GARIN2: variants seen among roughly 807,000 people sequenced by gnomAD.
GARIN2 encodes the protein golgi associated RAB2 interactor family member 2.
chr14:67,224,618 CT>C, the GARIN2 span: 2 of 288,322 alleles, frequency 6.9e-6, no homozygotes, highest in African/African-American at 2.3e-5. Context: ...TTCTCCTTAA[CT>C]TTTAAATTTT....
the GARIN2 span, among the ~76,000 whole-genome samples, chr14:67,190,400 T>C: frequency 6.6e-6 from 1 of 151,542 alleles, no homozygotes; most frequent in South Asian, 2.1e-4. Context: ...ATTTTTGTAA[T>C]ATTAGTAGAG....
At chr14:67,225,096 T>C in the GARIN2 span, 4 of 1,547,894 alleles carry the variant, frequency 2.6e-6, no homozygotes, top group South Asian at 3.7e-5. Context: ...CTTTCCTTAT[T>C]CTTTTTCTTT....
At chr14:67,211,525 T>C in the GARIN2 span, among the ~76,000 whole-genome samples, 2 of 152,184 alleles carry the variant, frequency 1.3e-5, no homozygotes, top group Non-Finnish European at 1.5e-5. Flanking sequence ...ACAATGACCA[T>C]ATTCGAATGT....
At chr14:67,228,462 C>A in the GARIN2 span, 1 of 219,078 alleles carries the variant, frequency 4.6e-6, no homozygotes, top group Non-Finnish European at 7.7e-6. Context: ...AAAAAGCAAA[C>A]ACAGCTCAGG....
At chr14:67,199,553 C>A in the GARIN2 span, 1 of 1,602,374 alleles carries the variant, frequency 6.2e-7, no homozygotes, top group African/African-American at 1.3e-5. Context: ...CATGAATGGG[C>A]AGTACCTCTG....
At chr14:67,208,916 A>G in the GARIN2 span, among the ~76,000 whole-genome samples, 15 of 149,102 alleles carry the variant, frequency 1.0e-4, no homozygotes, top group African/African-American at 3.7e-4. Flanking sequence ...AAAAGAAAAG[A>G]AAAAAAAAAG....
the GARIN2 span, chr14:67,223,619 G>C: frequency 1.7e-6 from 1 of 602,990 alleles, no homozygotes; most frequent in East Asian, 1.4e-4. Flanking sequence ...AAATCACAAG[G>C]GTGGCACAAC....
the GARIN2 span, chr14:67,204,844 A>G: frequency 1.9e-6 from 3 of 1,613,998 alleles, no homozygotes; most frequent in Non-Finnish European, 2.5e-6. Context: ...GTATGCAGGT[A>G]CAGGCCCTGA....
chr14:67,193,954 C>CAAAAAAAAAAAAAAAAAAAAAAAA, the GARIN2 span, among the ~76,000 whole-genome samples: 2 of 85,758 alleles, frequency 2.3e-5, no homozygotes, highest in African/African-American at 8.3e-5. Flanking sequence ...CAAAAAAAAA[C>CAAAAAAAAAAAAAAAAAAAAAAAA]AAAAAAAAAA....
At chr14:67,204,467 A>G in the GARIN2 span, 2 of 1,463,778 alleles carry the variant, frequency 1.4e-6, no homozygotes, top group East Asian at 2.5e-5. Context: ...ATATATATAT[A>G]TATAAGAAAG....
At chr14:67,220,457 A>G in the GARIN2 span, among the ~76,000 whole-genome samples, 7 of 151,680 alleles carry the variant, frequency 4.6e-5, no homozygotes, top group Non-Finnish European at 8.8e-5. Context: ...AAAAAAAAAA[A>G]GGTAAATGAT....
At chr14:67,218,806 G>A in the GARIN2 span, among the ~76,000 whole-genome samples, 1 of 152,002 alleles carries the variant, frequency 6.6e-6, no homozygotes, top group African/African-American at 2.4e-5. Context: ...TGTGTATGCA[G>A]CAGTTTGGCT....
chr14:67,225,248 A>G, the GARIN2 span: 1 of 1,517,322 alleles, frequency 6.6e-7, no homozygotes, highest in Non-Finnish European at 8.8e-7. Context: ...ATGGAAAAAC[A>G]TGTAAGACAA....
the GARIN2 span, among the ~76,000 whole-genome samples, chr14:67,203,766 G>A: frequency 6.6e-6 from 1 of 152,218 alleles, no homozygotes; most frequent in Admixed American, 6.5e-5. Context: ...AGGCTGGAGT[G>A]CAATGGCACG....
At chr14:67,191,486 G>A in the GARIN2 span, among the ~76,000 whole-genome samples, 3 of 152,260 alleles carry the variant, frequency 2.0e-5, no homozygotes, top group East Asian at 3.9e-4. Context: ...GTGCAACACT[G>A]GCTTTTCAGA....
At chr14:67,222,212 T>C in the GARIN2 span, among the ~76,000 whole-genome samples, 1 of 152,188 alleles carries the variant, frequency 6.6e-6, no homozygotes, top group African/African-American at 2.4e-5. Context: ...TTTTGGTAAA[T>C]GTAAAATTAT....
the GARIN2 span, among the ~76,000 whole-genome samples, chr14:67,193,330 C>CTATATAGATATAGA: frequency 7.4e-6 from 1 of 135,254 alleles, no homozygotes; most frequent in South Asian, 2.4e-4. Context: ...CTATATATCT[C>CTATATAGATATAGA]TATATAGATA....
At chr14:67,220,786 T>C in the GARIN2 span, among the ~76,000 whole-genome samples, 1 of 152,206 alleles carries the variant, frequency 6.6e-6, no homozygotes, top group African/African-American at 2.4e-5. Context: ...TCAGATCTAT[T>C]TGATAAAGAC....
At chr14:67,223,297 GC>G in the GARIN2 span, among the ~76,000 whole-genome samples, 1 of 152,026 alleles carries the variant, frequency 6.6e-6, no homozygotes, top group Non-Finnish European at 1.5e-5. Flanking sequence ...ACTGCGCCTG[GC>G]CCCCATTGGG....
Sources: allele counts gnomAD v4.1 joint callset (sites outside exome capture counted in the v4.1 genomes callset), GRCh38; gene constraint gnomAD v4.1.1; transcripts MANE v1.5; gene names NCBI Gene and HGNC (gene_info 2026-07-23, HGNC 2026-07-21).